Variants in ADAMTS3 observed in about 807,000 individuals in gnomAD.
ADAMTS3 encodes ADAM metallopeptidase with thrombospondin type 1 motif 3, also known as A disintegrin and metalloproteinase with thrombospondin motifs 3.
ADAMTS3 carries 73 observed loss-of-function variants against 129.0 expected under a neutral mutation model. The ratio of observed to expected loss-of-function variants is 0.57; its 90% CI spans 0.47 to 0.69. The LOEUF is 0.69. Among genes scored for constraint, ADAMTS3 ranks in the 30% least tolerant of loss-of-function variants. The probability of loss-of-function intolerance (pLI) is 0.00; values close to 1 mark genes in which losing one functional copy is unlikely to be tolerated. For synonymous variants in ADAMTS3, 477 were observed against 510.8 expected (o/e 0.93, Z 0.89); for missense variants, 1,457 against 1,514.5 (o/e 0.96, Z 0.63).
chr4:72,337,592 A>T (rs1720023470), intron 5 of ADAMTS3, among the ~76,000 whole-genome samples: 1 of 152,268 alleles, frequency 6.6e-6, no homozygotes, highest in South Asian at 2.1e-4. Flanking sequence ...CTAGAAAGGG[A>T]CATGATTTGT....
chr4:72,382,797 C>G (rs190905518), intron 4 of ADAMTS3, among the ~76,000 whole-genome samples: 35 of 152,228 alleles, frequency 2.3e-4, no homozygotes, highest in Admixed American at 1.2e-3. Context: ...CAAATACCAC[C>G]TGTTCTCACT....
At chr4:72,377,560 G>A (rs1721164191) in intron 4 of ADAMTS3, among the ~76,000 whole-genome samples, 1 of 152,164 alleles carries the variant, frequency 6.6e-6, no homozygotes, top group Admixed American at 6.6e-5. Flanking sequence ...AGTATGACTG[G>A]TCTATATGTG....
intron 4 of ADAMTS3, among the ~76,000 whole-genome samples, chr4:72,365,702 T>C: frequency 6.6e-6 from 1 of 152,130 alleles, no homozygotes; most frequent in South Asian, 2.1e-4. Context: ...CCCTGGAACA[T>C]GGATGGTACT....
At position 72,339,482 on chromosome 4, in the gene ADAMTS3, G is replaced by A. The variant is rs770821181; in HGVS notation, c.861+12C>T. ...AAAGATCAAAAAGCTTTAAAAAGGA[G>A]TCACTACTCACAATGTTCATTAGGG... On this transcript the variant is annotated intron_variant, in intron 5 of 21. Transcript: ENST00000286657. The A allele has an allele frequency of 1.2e-6, 2 of 1,612,792 alleles. No individual in the cohort carries two copies. Among genetic ancestry groups the A allele is most frequent in the Non-Finnish European group, 1.7e-6 (2 of 1,179,078 alleles).
At chr4:72,517,178 G>T (rs1429524015) in intron 3 of ADAMTS3, among the ~76,000 whole-genome samples, 2 of 152,126 alleles carry the variant, frequency 1.3e-5, no homozygotes, top group Non-Finnish European at 2.9e-5. Context: ...GCATCCCAGG[G>T]ATGAAGCCCA....
intron 3 of ADAMTS3, among the ~76,000 whole-genome samples, chr4:72,515,673 T>C (rs1228287996): frequency 9.9e-5 from 15 of 152,016 alleles, no homozygotes; most frequent in Non-Finnish European, 1.8e-4. Context: ...GCCCACTTTT[T>C]GATGGGGTTG....
In ADAMTS3 at chr4:72,371,107, G is replaced by A. The variant is rs377620106; in HGVS notation, c.662-31414C>T. ...GATTACAGGCAACCACCAGGAGCTAGGGGAGACATCAGCAGATATTTTCTC... is the reference window on the plus strand; with the variant it reads ...GATTACAGGCAACCACCAGGAGCTAAGGGAGACATCAGCAGATATTTTCTC... On this transcript the variant is annotated intron_variant, in intron 4 of 21. Transcript: ENST00000286657. Among the ~76,000 whole-genome samples, 7 of 152,154 alleles carry A rather than the reference G, an allele frequency of 4.6e-5. No homozygotes were observed. In the East Asian group the frequency reaches 1.4e-3, roughly 29 times the overall value.
chr4:72,510,128 T>C (rs1450907430), intron 3 of ADAMTS3, among the ~76,000 whole-genome samples: 1 of 147,492 alleles, frequency 6.8e-6, no homozygotes, highest in Non-Finnish European at 1.5e-5. Flanking sequence ...TGCCTCAACA[T>C]AATAAAAGCA....
chr4:72,476,519 T>C lies in ADAMTS3; in HGVS notation c.505-61548A>G, dbSNP rs146918214. ...AATGTCCAGGCCCAGATGGGTTCAA[T>C]GGAGAATTCTACCAAATGGTTGAAG... is the stretch of plus-strand genomic sequence containing the variant. On this transcript the variant is annotated intron_variant, in intron 3 of 21. Transcript: ENST00000286657. 4.5e-4 allele frequency among the ~76,000 whole-genome samples: 68 copies of C among 152,202 alleles called. No individual in the cohort carries two copies. The East Asian group carries it at 0.011, about 25-fold the overall frequency.
intron 3 of ADAMTS3, among the ~76,000 whole-genome samples, chr4:72,449,753 C>T (rs1718345269): frequency 6.6e-6 from 1 of 151,734 alleles, no homozygotes; most frequent in Non-Finnish European, 1.5e-5. Flanking sequence ...CTGGCTTCTT[C>T]CCATCTGTTT....
chr4:72,546,162 T>C (rs1378904096), intron 3 of ADAMTS3, among the ~76,000 whole-genome samples: 1 of 152,182 alleles, frequency 6.6e-6, no homozygotes, highest in Non-Finnish European at 1.5e-5. Flanking sequence ...GCTCAAAATC[T>C]AACAAAGGTA....
chr4:72,545,976 C>T (rs546711269), intron 3 of ADAMTS3, among the ~76,000 whole-genome samples: 1 of 152,296 alleles, frequency 6.6e-6, no homozygotes, highest in Admixed American at 6.5e-5. Context: ...CATATTGGCT[C>T]ATATTTTTTA....
chr4:72,427,726 G>T (rs754172988), intron 3 of ADAMTS3, among the ~76,000 whole-genome samples: 25 of 152,040 alleles, frequency 1.6e-4, no homozygotes, highest in Non-Finnish European at 3.1e-4. Flanking sequence ...ATGGAAGAGA[G>T]AAAGAGCACA....
chr4:72,543,327 T>C (rs190080830), intron 3 of ADAMTS3, among the ~76,000 whole-genome samples: 164 of 152,166 alleles, frequency 1.1e-3, no homozygotes, highest in African/African-American at 3.9e-3. Context: ...AAATTAAAAA[T>C]AGAATGACCA....
intron 3 of ADAMTS3, among the ~76,000 whole-genome samples, chr4:72,529,342 C>A (rs537588562): frequency 6.6e-6 from 1 of 152,082 alleles, no homozygotes; most frequent in Admixed American, 6.6e-5. Flanking sequence ...AACTTTCAGG[C>A]CCCTCTACAG....
chr4:72,441,225 T>G (rs1718107406), intron 3 of ADAMTS3, among the ~76,000 whole-genome samples: 1 of 151,796 alleles, frequency 6.6e-6, no homozygotes, highest in Non-Finnish European at 1.5e-5. Flanking sequence ...TCACCCATAT[T>G]GTTGCATGAA....
chr4:72,488,784 T>C (rs1456866416), intron 3 of ADAMTS3, among the ~76,000 whole-genome samples: 2 of 151,894 alleles, frequency 1.3e-5, no homozygotes, highest in African/African-American at 4.8e-5. Context: ...TTTTTCTTTA[T>C]TTTCGTGGTG....
chr4:72,374,587 T>G (rs1192680873), intron 4 of ADAMTS3, among the ~76,000 whole-genome samples: 2 of 152,226 alleles, frequency 1.3e-5, no homozygotes, highest in African/African-American at 4.8e-5. Context: ...AATAGATTTT[T>G]ATATTTTTTT....
chr4:72,450,729 A>G (rs10518103), intron 3 of ADAMTS3, among the ~76,000 whole-genome samples: 147,482 of 151,660 alleles, frequency 0.97, 71,853 homozygotes, highest in East Asian at 1. Context: ...CAAAATTGCA[A>G]GTCCATTTCC....
Sources: gnomAD v4.1 joint callset for allele counts (sites outside exome capture counted in the v4.1 genomes callset) on GRCh38, gnomAD v4.1.1 for gene constraint, MANE v1.5 for transcripts, NCBI Gene and HGNC (gene_info 2026-07-23, HGNC 2026-07-21) for gene names.